The following EYS variants were observed in gnomAD, a reference collection of about 807,000 sequenced individuals.
EYS encodes EGF-like photoreceptor maintenance factor.
A neutral mutation model predicts 282.1 loss-of-function variants in EYS; 250 were observed. The observed-to-expected ratio is 0.89, with a 90% confidence interval of 0.80 to 0.98. The LOEUF is 0.98. EYS is among the 50% of genes least tolerant of loss of function. EYS has a pLI of 0.00. For synonymous variants in EYS, 1,355 were observed against 1,282.9 expected, an observed-to-expected ratio of 1.06 and a Z score of -1.20; for missense variants, 4,016 against 3,709.0, an observed-to-expected ratio of 1.08 and a Z score of -2.15.
intron 12 of EYS, among the ~76,000 whole-genome samples, chr6:65,295,478 G>GA (rs917071087): frequency 3.9e-5 from 6 of 151,960 alleles, no homozygotes; most frequent in African/African-American, 1.2e-4. Context: ...TCTTAAACTA[G>GA]AAAAAATTGT....
chr6:64,651,543 C>G (rs1233531391), intron 22 of EYS, among the ~76,000 whole-genome samples: 2 of 152,120 alleles, frequency 1.3e-5, no homozygotes, highest in African/African-American at 4.8e-5. Flanking sequence ...AAAGGCTAGG[C>G]ACAGTGGCTT....
At chr6:65,512,127 C>T (rs1405558675) in intron 2 of EYS, among the ~76,000 whole-genome samples, 5 of 151,986 alleles carry the variant, frequency 3.3e-5, no homozygotes, top group Non-Finnish European at 5.9e-5. Flanking sequence ...AAATTTTTCC[C>T]TAACTTTCCG....
intron 31 of EYS, among the ~76,000 whole-genome samples, chr6:64,117,335 C>A (rs865893682): frequency 6.7e-6 from 1 of 149,912 alleles, no homozygotes; most frequent in South Asian, 2.1e-4. Flanking sequence ...ACAACCCCCC[C>A]CCCAATTAGT....
intron 12 of EYS, among the ~76,000 whole-genome samples, chr6:65,273,755 T>C (rs1767967900): frequency 6.6e-6 from 1 of 152,248 alleles, no homozygotes. Context: ...TATGATTAAC[T>C]GCTTTTGTTT....
At chr6:64,349,979 A>G (rs1771560907) in intron 29 of EYS, among the ~76,000 whole-genome samples, 1 of 151,534 alleles carries the variant, frequency 6.6e-6, no homozygotes, top group Non-Finnish European at 1.5e-5. Flanking sequence ...TGCTAATGAT[A>G]GTTCACTAAA....
chr6:64,791,607 C>A (rs756093198), intron 22 of EYS, among the ~76,000 whole-genome samples: 1 of 151,832 alleles, frequency 6.6e-6, no homozygotes, highest in African/African-American at 2.4e-5. Flanking sequence ...AGGCAGCATA[C>A]AACATTGAAT....
Position 64,890,041 on chromosome 6 carries a change from A to T in EYS, c.2847-3199T>A, listed in dbSNP as rs555228596. Among the ~76,000 whole-genome samples, 5 of 69,868 alleles carry T rather than the reference A, an allele frequency of 7.2e-5. No homozygotes were observed. In the East Asian group the frequency reaches 1.7e-3, roughly 24 times the overall value. The allele number at this position is 69,868 out of a possible 152,430, so 45.8% of individuals were successfully genotyped here. On this transcript the variant is annotated intron_variant, in intron 18 of 42. Coordinates refer to ENST00000503581, the MANE Select transcript of EYS (RefSeq NM_001142800.2). Reference sequence around the variant, plus strand: ...TATGCACCTGGAGGTATAGGCCTATAAATGCCCCCCCCCCCCAAGGTGTGC... The same window carrying T: ...TATGCACCTGGAGGTATAGGCCTATTAATGCCCCCCCCCCCCAAGGTGTGC...
At position 64,995,352 on chromosome 6, in the gene EYS, G is replaced by A. The variant is rs1373692167; in HGVS notation, c.2259+2230C>T. Among the ~76,000 whole-genome samples, 4 of 152,124 alleles carry A rather than the reference G, an allele frequency of 2.6e-5. 1 individual carries two copies. The highest frequency in any genetic ancestry group is 2.6e-4 in the Admixed American group (4 of 15,266). ...CTTTATCTTAGACTTTATCTTATGTGTCTTTCCCTTTGCTAATTTTAATCT... is the reference window on the plus strand; with the variant it reads ...CTTTATCTTAGACTTTATCTTATGTATCTTTCCCTTTGCTAATTTTAATCT... On this transcript the variant is annotated intron_variant, in intron 14 of 42. Transcript: ENST00000503581.
At chr6:63,754,723 G>C (rs1411304270) in intron 41 of EYS, among the ~76,000 whole-genome samples, 1 of 152,080 alleles carries the variant, frequency 6.6e-6, no homozygotes, top group Non-Finnish European at 1.5e-5. Context: ...GGGATTGCTG[G>C]GTCAAATGGT....
chr6:65,220,358 G>A (rs994684063), intron 12 of EYS, among the ~76,000 whole-genome samples: 9 of 152,068 alleles, frequency 5.9e-5, no homozygotes, highest in African/African-American at 1.7e-4. Context: ...ATGATAATAT[G>A]GCTTGAACCC....
intron 26 of EYS, among the ~76,000 whole-genome samples, chr6:64,519,913 T>A (rs1777678216): frequency 6.6e-6 from 1 of 151,722 alleles, no homozygotes; most frequent in Non-Finnish European, 1.5e-5. Flanking sequence ...TCTAGAAATA[T>A]AAAGGGTAAG....
intron 22 of EYS, among the ~76,000 whole-genome samples, chr6:64,686,375 C>T (rs570397762): frequency 3.7e-4 from 56 of 151,616 alleles, no homozygotes; most frequent in Middle Eastern, 3.4e-3. Flanking sequence ...CCTGGAAATA[C>T]TGATGAAGTA....
intron 5 of EYS, among the ~76,000 whole-genome samples, chr6:65,432,215 T>A (rs1025482838): frequency 1.3e-5 from 2 of 152,034 alleles, no homozygotes; most frequent in Non-Finnish European, 2.9e-5. Flanking sequence ...ATAAATAGGG[T>A]TTTTGGAAGT....
intron 29 of EYS, among the ~76,000 whole-genome samples, chr6:64,358,152 A>G (rs1771890659): frequency 6.6e-6 from 1 of 151,574 alleles, no homozygotes; most frequent in Non-Finnish European, 1.5e-5. Context: ...AACTTGTTTC[A>G]TTTGCCCAGG....
intron 7 of EYS, among the ~76,000 whole-genome samples, 159 bp downstream of exon 7, chr6:65,402,319 C>A (rs1044030230): frequency 6.6e-6 from 1 of 151,656 alleles, no homozygotes; most frequent in Non-Finnish European, 1.5e-5. Context: ...CAACAATTAA[C>A]CCAAAACATG....
chr6:63,831,316 A>T (rs1771630525), intron 36 of EYS, among the ~76,000 whole-genome samples: 1 of 152,222 alleles, frequency 6.6e-6, no homozygotes, highest in Non-Finnish European at 1.5e-5. Flanking sequence ...TGTACTCAGG[A>T]GACCCATCTC....
chr6:63,973,218 T>C (rs978697298), intron 35 of EYS, among the ~76,000 whole-genome samples: 6 of 152,142 alleles, frequency 3.9e-5, no homozygotes, highest in Non-Finnish European at 8.8e-5. Context: ...CCAGTATCTG[T>C]TGTTTCCTGA....
chr6:64,392,257 A>G (rs1304488960), intron 28 of EYS, among the ~76,000 whole-genome samples: 2 of 148,156 alleles, frequency 1.3e-5, no homozygotes, highest in Non-Finnish European at 3.0e-5. Context: ...AATTGAACTC[A>G]GCTCTGCACC....
Position 65,041,865 on chromosome 6 carries a change from ACAT to A in EYS, c.2137+15746_2137+15748del, listed in dbSNP as rs534814489. Among the ~76,000 whole-genome samples, 781 of 151,632 alleles carry A rather than the reference ACAT, an allele frequency of 5.2e-3. 11 individuals carry two copies. The highest frequency in any genetic ancestry group is 0.018 in the African/African-American group (744 of 41,492). The stretch of plus-strand genomic sequence containing the variant: ...ACAAATTTCCTCACTGATCTTACAG[ACAT>A]CATTAAAATTTTCTGTTTTTGCAAC... On this transcript the variant is annotated intron_variant, in intron 13 of 42. Coordinates refer to ENST00000503581, the MANE Select transcript of EYS (RefSeq NM_001142800.2).
Sources: gnomAD v4.1 joint callset for allele counts (sites outside exome capture counted in the v4.1 genomes callset) on GRCh38, gnomAD v4.1.1 for gene constraint, MANE v1.5 for transcripts, NCBI Gene and HGNC (gene_info 2026-07-23, HGNC 2026-07-21) for gene names.